Variants in PAX3 observed in about 807,000 individuals in gnomAD.
PAX3 encodes paired box protein Pax-3.
PAX3 carries 14 observed loss-of-function variants against 51.6 expected under a neutral mutation model. The ratio of observed to expected loss-of-function variants is 0.27; its 90% confidence interval spans 0.18 to 0.42. The LOEUF (loss-of-function observed/expected upper bound fraction) is 0.42. Among genes scored for constraint, PAX3 ranks in the 10% least tolerant of loss-of-function variants. PAX3 has a pLI of 1.00. For missense variants in PAX3, 540 were observed against 642.8 expected (o/e 0.84, Z 1.73); for synonymous variants, 280 against 253.4 (o/e 1.11, Z -1.00).
intron 4 of PAX3, among the ~76,000 whole-genome samples, chr2:222,276,143 C>T (rs1007255395): frequency 6.6e-6 from 1 of 152,198 alleles, no homozygotes; most frequent in African/African-American, 2.4e-5. Context: ...ATGTCACCCT[C>T]CTGTGTAGCA....
chr2:222,227,226 C>T (rs572469009), intron 5 of PAX3, among the ~76,000 whole-genome samples: 62 of 152,214 alleles, frequency 4.1e-4, no homozygotes, highest in African/African-American at 1.2e-3. Flanking sequence ...CCATTGTCTT[C>T]GTGGTAAAAC....
chr2:222,220,453 T>C, intron 6 of PAX3, 99 bp from the exon 7 acceptor site: 2 of 1,120,284 alleles, frequency 1.8e-6, no homozygotes, highest in Non-Finnish European at 2.7e-6. Context: ...CAGGAGCATC[T>C]ATTGATCAAA....
At chr2:222,220,018 G>GAAAAC in intron 7 of PAX3, 122 bp downstream of exon 7, 1 of 843,366 alleles carries the variant, frequency 1.2e-6, no homozygotes, top group Non-Finnish European at 1.9e-6. Flanking sequence ...CTGAAATCAT[G>GAAAAC]TGGCTTCTAT....
In PAX3 at chr2:222,260,595, T is replaced by TG. The variant is rs1203133983; in HGVS notation, c.587-28313_587-28312insC. On this transcript the variant is annotated intron_variant, in intron 4 of 8. Transcript: ENST00000392070. ...TTTTTTTTGTTTTTTTTTTTTGTTT[T>TG]TTTTTTTTTTTTTTGAGGCAAAGTC... Among the ~76,000 whole-genome samples, 10 of 102,444 alleles carry TG rather than the reference T, an allele frequency of 9.8e-5. No homozygotes were observed. The East Asian group carries it at 2.4e-3, about 24-fold the overall frequency. 67.2% of individuals were successfully genotyped at this position (102,444 alleles called of 152,430 possible). A position where few individuals can be genotyped will look rare whatever the true frequency, so the allele number is the denominator to read the frequency against.
At chr2:222,235,643 A>T (rs1211061072) in intron 4 of PAX3, among the ~76,000 whole-genome samples, 1 of 152,200 alleles carries the variant, frequency 6.6e-6, no homozygotes, top group East Asian at 1.9e-4. Context: ...ACACCTGTCA[A>T]ACAGGAATGC....
intron 4 of PAX3, among the ~76,000 whole-genome samples, chr2:222,282,554 C>G (rs537918326): frequency 6.6e-6 from 1 of 152,316 alleles, no homozygotes; most frequent in East Asian, 1.9e-4. Context: ...ATAAACCACT[C>G]TCTTACTAGT....
At chr2:222,266,168 A>G (rs1031163933) in intron 4 of PAX3, among the ~76,000 whole-genome samples, 1 of 152,204 alleles carries the variant, frequency 6.6e-6, no homozygotes, top group African/African-American at 2.4e-5. Flanking sequence ...ACATATCCTG[A>G]TTGCATCCTG....
intron 3 of PAX3, among the ~76,000 whole-genome samples, chr2:222,294,758 G>GCCCCCCCCCCCCC (rs368069047): frequency 4.4e-4 from 38 of 87,104 alleles, no homozygotes; most frequent in Admixed American, 6.6e-4. Flanking sequence ...ACTTGTCCGC[G>GCCCCCCCCCCCCC]CCCCCCCCCA....
chr2:222,228,247 C>T (rs924685336), intron 5 of PAX3, among the ~76,000 whole-genome samples: 16 of 152,126 alleles, frequency 1.1e-4, no homozygotes, highest in Non-Finnish European at 2.2e-4. Context: ...CTCAAGGGAA[C>T]TAAAGAAGCC....
chr2:222,242,769 T>C (rs1374836337), intron 4 of PAX3: 1 of 152,240 alleles, frequency 6.6e-6, no homozygotes, highest in East Asian at 1.9e-4. Context: ...AATTATGTTC[T>C]GTACAGTTAC....
chr2:222,231,160 G>A (rs1205103480), intron 5 of PAX3, among the ~76,000 whole-genome samples: 5 of 152,182 alleles, frequency 3.3e-5, no homozygotes, highest in Non-Finnish European at 7.3e-5. Flanking sequence ...CTGCATCTAT[G>A]AACGTGTTGA....
In PAX3 at chr2:222,275,750, A is replaced by G. The variant is rs575929141; in HGVS notation, c.586+18417T>C. On this transcript the variant is annotated intron_variant, in intron 4 of 8. Transcript: ENST00000392070. ...TCTTTCCAAGTTTTTAAATACTTCAATGTTTTTACAAAAACAACAAAAGTT... is the reference window on the plus strand; with the variant it reads ...TCTTTCCAAGTTTTTAAATACTTCAGTGTTTTTACAAAAACAACAAAAGTT... Among the ~76,000 whole-genome samples the G allele has an allele frequency of 3.9e-5, 6 of 152,366 alleles. No individual in the cohort carries two copies. The South Asian group carries it at 8.3e-4, about 21-fold the overall frequency.
At chr2:222,203,009 T>C (rs1156418122) in intron 7 of PAX3, among the ~76,000 whole-genome samples, 1 of 61,846 alleles carries the variant, frequency 1.6e-5, no homozygotes, top group Non-Finnish European at 3.1e-5. Context: ...TAAACAACCA[T>C]TTCATATATA....
In PAX3 at chr2:222,296,996, G is replaced by T; in HGVS notation, c.303C>A (p.Ile101=). Residue 101 remains isoleucine, a synonymous_variant, in exon 2 of 9, where the codon ATC becomes ATA. Coordinates refer to ENST00000392070, the MANE Select transcript of PAX3 (RefSeq NM_181458.4). ...QETGSIRPGA[I]GGSKPKQVTT... ...CGCTCACCTTGGGCTTGCTGCCGCC[G>T]ATGGCACCAGGACGTATGGAGCCAG... 6.2e-7 allele frequency: 1 copy of T among 1,613,310 alleles called. No individual in the cohort carries two copies. Among genetic ancestry groups the T allele is most frequent in the Non-Finnish European group, 8.5e-7 (1 of 1,179,734 alleles).
intron 4 of PAX3, among the ~76,000 whole-genome samples, chr2:222,290,769 G>C (rs1694999790): frequency 6.6e-6 from 1 of 152,166 alleles, no homozygotes; most frequent in South Asian, 2.1e-4. Flanking sequence ...CACCCTGCTG[G>C]AGGGGGAGAA....
intron 7 of PAX3, among the ~76,000 whole-genome samples, chr2:222,210,492 A>C (rs1242673290): frequency 6.6e-6 from 1 of 152,128 alleles, no homozygotes; most frequent in Non-Finnish European, 1.5e-5. Context: ...TCAATATTAT[A>C]TTTCAATAAG....
chr2:222,201,122 T>A lies in PAX3; in HGVS notation c.*286A>T. The A allele has an allele frequency of 1.9e-6, 3 of 1,594,928 alleles. No homozygotes were observed. The highest frequency in any genetic ancestry group is 2.2e-5 in the South Asian group (2 of 90,376). On this transcript the variant is annotated 3_prime_UTR_variant, in exon 9 of 9. Transcript: ENST00000392070. The stretch of plus-strand genomic sequence containing the variant: ...TGATCAGCACTAAAGAATTGGGATG[T>A]TTTGATATGTAACCATGTGAAACCA...
At chr2:222,228,110 G>A (rs1692451864) in intron 5 of PAX3, among the ~76,000 whole-genome samples, 1 of 152,096 alleles carries the variant, frequency 6.6e-6, no homozygotes, top group Admixed American at 6.6e-5. Flanking sequence ...TTTTCTTCTG[G>A]CATTTTAATC....
intron 7 of PAX3, among the ~76,000 whole-genome samples, chr2:222,215,494 G>C (rs924422609): frequency 6.6e-6 from 1 of 151,906 alleles, no homozygotes; most frequent in Non-Finnish European, 1.5e-5. Flanking sequence ...AGTCGGGTGG[G>C]GGGTGAGGCA....
Sources: allele counts gnomAD v4.1 joint callset (sites outside exome capture counted in the v4.1 genomes callset), GRCh38; gene constraint gnomAD v4.1.1; transcripts MANE v1.5; gene names NCBI Gene and HGNC (gene_info 2026-07-23, HGNC 2026-07-21).